The following SNTG1 variants were observed in gnomAD, a reference collection of about 807,000 sequenced individuals.
The protein encoded by SNTG1 is syntrophin gamma 1, also known as gamma-1-syntrophin.
A neutral mutation model predicts 74.7 loss-of-function variants in SNTG1; 39 were observed. The observed-to-expected ratio is 0.52, with a 90% CI of 0.40 to 0.68. SNTG1 has a LOEUF of 0.68. Among genes scored for constraint, SNTG1 ranks in the 30% least tolerant of loss-of-function variants. The probability of loss-of-function intolerance (pLI) is 0.00; values close to 1 mark genes in which losing one functional copy is unlikely to be tolerated. For synonymous variants in SNTG1, 254 were observed against 217.1 expected, an observed-to-expected ratio of 1.17 and a Z score of -1.49; for missense variants, 685 against 609.5, an observed-to-expected ratio of 1.12 and a Z score of -1.30.
Position 50,563,919 on chromosome 8 carries a change from T to C in SNTG1, c.810+10740T>C, listed in dbSNP as rs565586654. ...CATAGAAAGCCATTGCTTCACAATATAGCAATTAAATTTTTTGACAACTTA... is the reference window on the plus strand; with the variant it reads ...CATAGAAAGCCATTGCTTCACAATACAGCAATTAAATTTTTTGACAACTTA... On this transcript the variant is annotated intron_variant, in intron 12 of 18. Transcript: ENST00000642720. 5.3e-5 allele frequency among the ~76,000 whole-genome samples: 8 copies of C among 152,168 alleles called. 1 individual carries two copies. The highest frequency in any genetic ancestry group is 1.2e-4 in the Non-Finnish European group (8 of 68,026).
intron 2 of SNTG1, among the ~76,000 whole-genome samples, chr8:50,262,977 C>G (rs1315648022): frequency 6.6e-6 from 1 of 152,080 alleles, no homozygotes; most frequent in Non-Finnish European, 1.5e-5. Context: ...ATTTTTAGTG[C>G]AGTTAAAATA....
intron 13 of SNTG1, among the ~76,000 whole-genome samples, chr8:50,620,595 G>A (rs537191038): frequency 1.3e-5 from 2 of 152,282 alleles, no homozygotes; most frequent in Admixed American, 6.5e-5. Context: ...CTCAGAGAGA[G>A]TAGCTAATTT....
chr8:50,269,049 C>A (rs370355430), intron 2 of SNTG1, among the ~76,000 whole-genome samples: 1 of 151,864 alleles, frequency 6.6e-6, no homozygotes, highest in East Asian at 1.9e-4. Context: ...ATTTAGTGGG[C>A]CAAGTAAAAG....
At chr8:50,579,842 A>G (rs965839090) in intron 12 of SNTG1, among the ~76,000 whole-genome samples, 2 of 152,224 alleles carry the variant, frequency 1.3e-5, no homozygotes, top group Non-Finnish European at 2.9e-5. Flanking sequence ...AGTTTGCTGC[A>G]GCAGTGGAGC....
intron 2 of SNTG1, among the ~76,000 whole-genome samples, chr8:50,234,848 A>G (rs912610828): frequency 2.6e-5 from 4 of 152,090 alleles, no homozygotes; most frequent in Admixed American, 2.6e-4. Context: ...TCATATCAGA[A>G]TCTTTTTGCT....
intron 1 of SNTG1, among the ~76,000 whole-genome samples, chr8:50,140,631 GT>G (rs1231756307): frequency 6.6e-6 from 1 of 152,112 alleles, no homozygotes; most frequent in East Asian, 1.9e-4. Context: ...GTGTGAGTGT[GT>G]TTTTGAGTGT....
chr8:50,324,803 T>C (rs1238923100), intron 2 of SNTG1, among the ~76,000 whole-genome samples: 1 of 151,912 alleles, frequency 6.6e-6, no homozygotes, highest in Non-Finnish European at 1.5e-5. Context: ...CCTCTGGTTA[T>C]ATATCTAAAA....
intron 1 of SNTG1, among the ~76,000 whole-genome samples, chr8:49,987,410 G>C (rs1813267724): frequency 6.6e-6 from 1 of 152,020 alleles, no homozygotes; most frequent in East Asian, 1.9e-4. Context: ...CATACTGCAG[G>C]ATAAGATACA....
At chr8:50,664,185 T>A (rs866034791) in intron 15 of SNTG1, among the ~76,000 whole-genome samples, 12 of 152,144 alleles carry the variant, frequency 7.9e-5, no homozygotes, top group African/African-American at 2.4e-4. Flanking sequence ...TAGAAACTCA[T>A]GGCAATTAGC....
intron 1 of SNTG1, among the ~76,000 whole-genome samples, chr8:49,946,346 A>G (rs1374330734): frequency 3.3e-5 from 5 of 152,204 alleles, no homozygotes; most frequent in Non-Finnish European, 7.3e-5. Flanking sequence ...ATAGTTCAAT[A>G]TACATTCTCT....
At chr8:50,108,185 C>T (rs1219549233) in intron 1 of SNTG1, among the ~76,000 whole-genome samples, 2 of 152,168 alleles carry the variant, frequency 1.3e-5, no homozygotes, top group African/African-American at 4.8e-5. Context: ...AAATAGAACT[C>T]TGTTCAAGAG....
intron 18 of SNTG1, among the ~76,000 whole-genome samples, chr8:50,783,935 C>T (rs867047262): frequency 2.0e-5 from 3 of 152,106 alleles, no homozygotes; most frequent in Non-Finnish European, 4.4e-5. Flanking sequence ...TATGATATTC[C>T]AAATCTTACA....
chr8:50,294,323 G>A (rs1231166864), intron 2 of SNTG1, among the ~76,000 whole-genome samples: 3 of 152,160 alleles, frequency 2.0e-5, no homozygotes, highest in African/African-American at 7.2e-5. Flanking sequence ...AAAGGCTCAG[G>A]AGTCATCCAA....
intron 1 of SNTG1, among the ~76,000 whole-genome samples, chr8:50,026,777 A>G (rs1250105320): frequency 6.6e-6 from 1 of 152,192 alleles, no homozygotes; most frequent in African/African-American, 2.4e-5. Context: ...AACATCAGGA[A>G]GAGATGGGTT....
intron 1 of SNTG1, among the ~76,000 whole-genome samples, chr8:49,921,497 A>G (rs1182998909): frequency 6.6e-6 from 1 of 152,114 alleles, no homozygotes; most frequent in Non-Finnish European, 1.5e-5. Flanking sequence ...TCATTCTAGG[A>G]AGATAGTAGG....
At position 50,794,385 on chromosome 8, in the gene SNTG1, A is replaced by G. The variant is rs2095699778; in HGVS notation, c.*1556A>G. On this transcript the variant is annotated 3_prime_UTR_variant, in exon 19 of 19. Coordinates refer to ENST00000642720, the MANE Select transcript of SNTG1 (RefSeq NM_018967.5). Reference sequence around the variant, plus strand: ...TTAATTTGTAAATACATCAAATTGAAAAGAAAAAGTGAGGGTTTATAATTG... The same window carrying G: ...TTAATTTGTAAATACATCAAATTGAGAAGAAAAAGTGAGGGTTTATAATTG... The G allele has an allele frequency of 6.6e-6, 1 of 151,964 alleles. No individual in the cohort carries two copies. Among genetic ancestry groups the G allele is most frequent in the African/African-American group, 2.4e-5 (1 of 41,412 alleles). 9.4% of individuals were successfully genotyped at this position (151,964 alleles called of 1,614,324 possible).
At chr8:50,122,657 T>G (rs1422675016) in intron 1 of SNTG1, among the ~76,000 whole-genome samples, 1 of 141,602 alleles carries the variant, frequency 7.1e-6, no homozygotes, top group Non-Finnish European at 1.6e-5. Context: ...GTTGGCAGCA[T>G]AAGGAGGCAC....
chr8:50,538,515 T>A (rs551830198), intron 11 of SNTG1, among the ~76,000 whole-genome samples: 4 of 152,298 alleles, frequency 2.6e-5, no homozygotes, highest in Non-Finnish European at 5.9e-5. Context: ...GTACCTAAAA[T>A]ATGTTAGGCA....
At chr8:50,740,040 A>G (rs1482331778) in intron 17 of SNTG1, among the ~76,000 whole-genome samples, 3 of 152,116 alleles carry the variant, frequency 2.0e-5, no homozygotes. Context: ...CCTAGGCAAT[A>G]CCATTCTAGA....
Sources: gnomAD v4.1 joint callset for allele counts (sites outside exome capture counted in the v4.1 genomes callset) on GRCh38, gnomAD v4.1.1 for gene constraint, MANE v1.5 for transcripts, NCBI Gene and HGNC (gene_info 2026-07-23, HGNC 2026-07-21) for gene names.